Variants in EXOC6 observed in about 807,000 individuals in gnomAD.
EXOC6 encodes the protein SEC15-like 1.
In EXOC6, 60 loss-of-function variants were observed where a neutral mutation model predicts 112.5. That is an observed-to-expected ratio of 0.53 (90% CI 0.43 to 0.66). EXOC6 has a LOEUF of 0.66. Ranked by LOEUF, EXOC6 falls within the 30% of genes least tolerant of loss-of-function variation. The pLI, the probability that EXOC6 is intolerant of heterozygous loss-of-function variation, is 0.00. For synonymous variants in EXOC6, 295 were observed against 308.0 expected (o/e 0.96, Z 0.44); for missense variants, 855 against 957.1 (o/e 0.89, Z 1.41).
chr10:92,983,808 A>G (rs750549824), intron 18 of EXOC6, among the ~76,000 whole-genome samples: 1 of 152,064 alleles, frequency 6.6e-6, no homozygotes, highest in African/African-American at 2.4e-5. Context: ...CGCCAAGCCT[A>G]TTTCTTTATA....
At chr10:92,946,779 A>T (rs1186076964) in intron 13 of EXOC6, among the ~76,000 whole-genome samples, 1 of 152,172 alleles carries the variant, frequency 6.6e-6, no homozygotes, top group African/African-American at 2.4e-5. Flanking sequence ...GTGGTCTAGA[A>T]TGCTTTTCTC....
chr10:92,983,503 T>C (rs200021205), intron 18 of EXOC6, among the ~76,000 whole-genome samples: 10 of 144,908 alleles, frequency 6.9e-5, no homozygotes, highest in African/African-American at 1.0e-4. Flanking sequence ...TCTTCTTCTT[T>C]TTTTTTTTTT....
At chr10:92,869,951 T>C (rs1201845627) in intron 1 of EXOC6, among the ~76,000 whole-genome samples, 1 of 76,556 alleles carries the variant, frequency 1.3e-5, no homozygotes, top group Non-Finnish European at 2.7e-5. Flanking sequence ...CTTGTGGGCT[T>C]TTTTTTTTTT....
chr10:92,983,028 A>G (rs1327168133), intron 18 of EXOC6, among the ~76,000 whole-genome samples: 1 of 152,216 alleles, frequency 6.6e-6, no homozygotes, highest in African/African-American at 2.4e-5. Context: ...TTTTAAAATC[A>G]TTCTCTCCTT....
intron 20 of EXOC6, among the ~76,000 whole-genome samples, chr10:93,014,928 C>T (rs1456173878): frequency 4.0e-5 from 6 of 150,896 alleles, no homozygotes; most frequent in Non-Finnish European, 7.4e-5. Flanking sequence ...TCTTTTCCTC[C>T]TCTTTTCTCT....
intron 18 of EXOC6, among the ~76,000 whole-genome samples, chr10:92,981,853 C>T (rs1842838013): frequency 6.6e-6 from 1 of 152,136 alleles, no homozygotes; most frequent in African/African-American, 2.4e-5. Flanking sequence ...TGCGGTGGCT[C>T]ACGCCTGTAA....
chr10:92,852,242 C>A (rs1304605416), intron 1 of EXOC6, among the ~76,000 whole-genome samples: 1 of 152,096 alleles, frequency 6.6e-6, no homozygotes, highest in Non-Finnish European at 1.5e-5. Flanking sequence ...AAGCCTTCCC[C>A]AAAAGGAAAC....
At chr10:92,983,480 C>T (rs1488330311) in intron 18 of EXOC6, among the ~76,000 whole-genome samples, 1 of 24,152 alleles carries the variant, frequency 4.1e-5, no homozygotes, top group Non-Finnish European at 5.9e-5. Context: ...AAAATCTCTT[C>T]TATTTCTTTC....
intron 4 of EXOC6, among the ~76,000 whole-genome samples, chr10:92,896,181 ATTTTTTTTTTTTTTTTTTT>A (rs58783356): frequency 0.02 from 205 of 10,230 alleles, 4 homozygotes; most frequent in South Asian, 0.071. Flanking sequence ...ATATATATAT[ATTTTTTTTTTTTTTTTTTT>A]TTTTTTTTTT....
At chr10:92,931,115 GAAAAAAAAAAAAAAA>G (rs60087746) in intron 9 of EXOC6, among the ~76,000 whole-genome samples, 1 of 70,612 alleles carries the variant, frequency 1.4e-5, no homozygotes, top group Non-Finnish European at 2.7e-5. Context: ...CATCTCAGAA[GAAAAAAAAAAAAAAA>G]AAAAAAAAAG....
chr10:92,990,212 T>C (rs1256057996), intron 18 of EXOC6, among the ~76,000 whole-genome samples: 1 of 152,184 alleles, frequency 6.6e-6, no homozygotes, highest in Non-Finnish European at 1.5e-5. Context: ...GCTTCTTAGT[T>C]GAAAATGAAC....
chr10:92,877,028 T>C (rs1848712285), intron 1 of EXOC6, among the ~76,000 whole-genome samples: 1 of 152,178 alleles, frequency 6.6e-6, no homozygotes, highest in Non-Finnish European at 1.5e-5. Context: ...ATCTGCGTAA[T>C]GATTTTTTGT....
At chr10:93,040,539 G>A (rs756720012) in intron 20 of EXOC6, among the ~76,000 whole-genome samples, 41 of 152,166 alleles carry the variant, frequency 2.7e-4, no homozygotes, top group African/African-American at 7.7e-4. Flanking sequence ...GAGCCACTGC[G>A]CCCGGCCTGC....
intron 12 of EXOC6, among the ~76,000 whole-genome samples, chr10:92,936,707 C>G (rs973361131): frequency 2.0e-5 from 3 of 152,188 alleles, no homozygotes; most frequent in African/African-American, 7.2e-5. Context: ...AAGTTGTACA[C>G]CTGCTGCGTT....
At position 92,835,953 on chromosome 10, in the gene EXOC6, T is replaced by G. The variant is rs545000155; in HGVS notation, c.86+1129T>G. On this transcript the variant is annotated intron_variant, in intron 1 of 21. Transcript: ENST00000371552. The stretch of plus-strand genomic sequence containing the variant: ...TCAGAGCTTTGTAGCAATGGAAAAC[T>G]CAACAATTTTTTTCCATATGGGGCA... Among the ~76,000 whole-genome samples, 12 of 152,320 alleles carry G rather than the reference T, an allele frequency of 7.9e-5. No individual in the cohort carries two copies. In the South Asian group the frequency reaches 2.5e-3, roughly 32 times the overall value.
Position 92,909,643 on chromosome 10 carries a change from A to G in EXOC6, c.663+12A>G. 6.6e-7 allele frequency: 1 copy of G among 1,524,152 alleles called. No homozygotes were observed. Among genetic ancestry groups the G allele is most frequent in the Non-Finnish European group, 9.0e-7 (1 of 1,110,204 alleles). 94.4% of individuals were successfully genotyped at this position (1,524,152 alleles called of 1,614,324 possible). ...CAGCAATGAAACAGGTGAGATTAAA[A>G]ATAATTTTGATTTAATATTATTTAG... is the stretch of plus-strand genomic sequence containing the variant. On this transcript the variant is annotated intron_variant, in intron 6 of 21. Transcript: ENST00000260762.
intron 14 of EXOC6, among the ~76,000 whole-genome samples, chr10:92,949,992 C>G (rs1198143971): frequency 2.0e-5 from 3 of 152,142 alleles, no homozygotes; most frequent in Non-Finnish European, 4.4e-5. Context: ...TCTAATATCC[C>G]TTCCAATCAT....
intron 8 of EXOC6, among the ~76,000 whole-genome samples, chr10:92,920,454 C>T (rs750857640): frequency 7.9e-5 from 12 of 152,174 alleles, no homozygotes; most frequent in South Asian, 4.2e-4. Context: ...GTATACAATT[C>T]GGTGGTTTTA....
At chr10:92,894,408 T>C (rs191840918) in intron 2 of EXOC6, among the ~76,000 whole-genome samples, 14 of 152,320 alleles carry the variant, frequency 9.2e-5, no homozygotes, top group Non-Finnish European at 1.8e-4. Flanking sequence ...TATGAATGTT[T>C]AATTACCATA....
Sources: gnomAD v4.1 joint callset for allele counts (sites outside exome capture counted in the v4.1 genomes callset) on GRCh38, gnomAD v4.1.1 for gene constraint, MANE v1.5 for transcripts, NCBI Gene and HGNC (gene_info 2026-07-23, HGNC 2026-07-21) for gene names.